The following PDE1A variants were observed in gnomAD, a reference collection of about 807,000 sequenced individuals.
PDE1A encodes phosphodiesterase 1A, also known as dual specificity calcium/calmodulin-dependent 3',5'-cyclic nucleotide phosphodiesterase 1A.
Under a neutral mutation model 61.7 loss-of-function variants are expected in PDE1A, and 35 were observed. The observed-to-expected ratio is 0.57, with a 90% CI of 0.43 to 0.75. The LOEUF (loss-of-function observed/expected upper bound fraction) is 0.75. PDE1A is among the 30% of genes least tolerant of loss of function. PDE1A has a pLI of 0.00. For synonymous variants in PDE1A, 232 were observed against 213.2 expected, an observed-to-expected ratio of 1.09 and a Z score of -0.77; for missense variants, 597 against 630.6, an observed-to-expected ratio of 0.95 and a Z score of 0.57.
chr2:182,320,258 T>C (rs750561610), intron 1 of PDE1A, among the ~76,000 whole-genome samples: 40 of 152,222 alleles, frequency 2.6e-4, no homozygotes, highest in Middle Eastern at 6.8e-3. Flanking sequence ...CTGGTTGGTT[T>C]TGTTGGTTAT....
intron 2 of PDE1A, among the ~76,000 whole-genome samples, chr2:182,434,233 G>A (rs1457232602): frequency 6.6e-6 from 1 of 152,028 alleles, no homozygotes; most frequent in Non-Finnish European, 1.5e-5. Context: ...CAGACTCAGT[G>A]ATCTCTTGTA....
intron 1 of PDE1A, among the ~76,000 whole-genome samples, chr2:182,322,459 C>T (rs905725180): frequency 1.1e-4 from 17 of 152,120 alleles, no homozygotes; most frequent in African/African-American, 3.6e-4. Flanking sequence ...AAGGGCAGTT[C>T]CCCTGCACAT....
At chr2:182,497,708 G>A (rs1688798551) in intron 2 of PDE1A, among the ~76,000 whole-genome samples, 2 of 152,234 alleles carry the variant, frequency 1.3e-5, no homozygotes, top group Middle Eastern at 3.4e-3. Flanking sequence ...AGAAAGACCT[G>A]TGGACACAGG....
At chr2:182,384,582 T>C (rs1047672327) in intron 1 of PDE1A, among the ~76,000 whole-genome samples, 7 of 151,340 alleles carry the variant, frequency 4.6e-5, no homozygotes, top group Non-Finnish European at 7.4e-5. Context: ...TACAAATAAC[T>C]TGAACTCCAA....
intron 11 of PDE1A, among the ~76,000 whole-genome samples, chr2:182,186,822 G>A (rs972695943): frequency 6.6e-6 from 1 of 152,114 alleles, no homozygotes; most frequent in Non-Finnish European, 1.5e-5. Context: ...ATTTAAGCTT[G>A]CTAACTCAAG....
chr2:182,223,081 A>T (rs950379550), intron 7 of PDE1A, among the ~76,000 whole-genome samples: 5 of 152,030 alleles, frequency 3.3e-5, no homozygotes, highest in African/African-American at 1.2e-4. Context: ...TTAATGAAGT[A>T]ACAAGAGTGG....
At chr2:182,552,439 GTTTTTTTTTTTTTT>G in the PDE1A span, among the ~76,000 whole-genome samples, 2 of 122,892 alleles carry the variant, frequency 1.6e-5, no homozygotes, top group Non-Finnish European at 3.4e-5. Context: ...GCTACACAAA[GTTTTTTTTTTTTTT>G]TTTTTTTTTG....
At chr2:182,520,865 T>C (rs1040457421) in intron 2 of PDE1A, among the ~76,000 whole-genome samples, 1 of 152,030 alleles carries the variant, frequency 6.6e-6, no homozygotes, top group African/African-American at 2.4e-5. Context: ...AATTTGCATC[T>C]ATGCTAATTA....
In PDE1A at chr2:182,461,801, C is replaced by G. The variant is rs576863327; in HGVS notation, c.101+60475G>C. Among the ~76,000 whole-genome samples the G allele has an allele frequency of 2.6e-5, 4 of 152,244 alleles. No individual in the cohort carries two copies. In the South Asian group the frequency reaches 8.3e-4, roughly 32 times the overall value. ...GTTTCCTCTGCATATCTCAGCTGTC[C>G]TTTCCCCTGTCAGTAAGCCTCATCC... On this transcript the variant is annotated intron_variant, in intron 2 of 14. Transcript: ENST00000410103.
chr2:182,579,316 A>G, the PDE1A span, among the ~76,000 whole-genome samples: 1 of 152,268 alleles, frequency 6.6e-6, no homozygotes, highest in South Asian at 2.1e-4. Context: ...CTCCTTATTT[A>G]TTCTCTCTGT....
At chr2:182,626,430 T>C in the PDE1A span, among the ~76,000 whole-genome samples, 2 of 151,984 alleles carry the variant, frequency 1.3e-5, no homozygotes, top group African/African-American at 4.8e-5. Context: ...TAAAATGTTA[T>C]CTGTTTAAAA....
chr2:182,201,303 T>G, intron 10 of PDE1A, 136 bp downstream of exon 10: 1 of 1,068,266 alleles, frequency 9.4e-7, no homozygotes, highest in Non-Finnish European at 1.4e-6. Context: ...TAAATTTTGC[T>G]GAAACCCCCA....
At chr2:182,684,662 T>C in the PDE1A span, among the ~76,000 whole-genome samples, 1 of 152,228 alleles carries the variant, frequency 6.6e-6, no homozygotes, top group Non-Finnish European at 1.5e-5. Context: ...GTGATTCTCT[T>C]GCCTCAGCCT....
At chr2:182,687,200 C>T in the PDE1A span, among the ~76,000 whole-genome samples, 8 of 152,298 alleles carry the variant, frequency 5.3e-5, 1 homozygote, top group African/African-American at 1.7e-4. Flanking sequence ...TCTCCCAGCA[C>T]GGAGTTTGAG....
the PDE1A span, among the ~76,000 whole-genome samples, chr2:182,640,520 C>T: frequency 1.2e-3 from 183 of 152,044 alleles, 1 homozygote; most frequent in African/African-American, 4.1e-3. Context: ...TAGAAACATA[C>T]GTATATTTAA....
At chr2:182,578,830 G>A in the PDE1A span, among the ~76,000 whole-genome samples, 2 of 151,716 alleles carry the variant, frequency 1.3e-5, no homozygotes, top group African/African-American at 4.8e-5. Flanking sequence ...CCTGAAGGAA[G>A]GTTGAAGGGA....
downstream of PDE1A, among the ~76,000 whole-genome samples, chr2:182,167,716 G>A (rs1691729159): frequency 1.3e-5 from 2 of 152,058 alleles, no homozygotes; most frequent in Non-Finnish European, 2.9e-5. Flanking sequence ...GGACAACCTG[G>A]TGGGTTTTTG....
At chr2:182,462,183 A>T (rs920883992) in intron 2 of PDE1A, among the ~76,000 whole-genome samples, 16 of 152,190 alleles carry the variant, frequency 1.1e-4, no homozygotes, top group African/African-American at 3.6e-4. Context: ...GAGGGAAAGC[A>T]TTAGGAGATA....
chr2:182,448,968 T>C (rs1038652898), intron 2 of PDE1A, among the ~76,000 whole-genome samples: 1 of 150,384 alleles, frequency 6.6e-6, no homozygotes, highest in Admixed American at 6.7e-5. Flanking sequence ...TTCTCTATAT[T>C]TAAAGATATA....
Sources: gnomAD v4.1 joint callset for allele counts (sites outside exome capture counted in the v4.1 genomes callset) on GRCh38, gnomAD v4.1.1 for gene constraint, MANE v1.5 for transcripts, NCBI Gene and HGNC (gene_info 2026-07-23, HGNC 2026-07-21) for gene names.